AGAP1: variants seen among roughly 807,000 people sequenced by gnomAD.
The protein encoded by AGAP1 is ArfGAP with GTPase domain, ankyrin repeat and PH domain 1.
In AGAP1, 29 loss-of-function variants were observed where a neutral mutation model predicts 105.3. The ratio of observed to expected loss-of-function variants is 0.28; its 90% CI spans 0.21 to 0.38. The LOEUF is 0.38. Among genes scored for constraint, AGAP1 ranks in the 10% least tolerant of loss-of-function variants. AGAP1 has a pLI of 1.00. For synonymous variants in AGAP1, 509 were observed against 485.9 expected (o/e 1.05, Z -0.63); for missense variants, 998 against 1,165.1 (o/e 0.86, Z 2.09).
intron 1 of AGAP1, chr2:235,670,590 C>T (rs1387125955): frequency 9.1e-6 from 5 of 548,912 alleles, no homozygotes; most frequent in South Asian, 2.2e-5. Flanking sequence ...CCTGAGGCGC[C>T]GCAAGGCCGG....
rs745542619 is a variant in AGAP1, at chr2:235,953,669, G to C, written c.1484-14793G>C. ...CATCTGTAAAGAAAATTTTTTCCACGCCTGTAATCTCAGTGCTTTGGGAGG... is the reference window on the plus strand; with the variant it reads ...CATCTGTAAAGAAAATTTTTTCCACCCCTGTAATCTCAGTGCTTTGGGAGG... On this transcript the variant is annotated intron_variant, in intron 12 of 17. Transcript: ENST00000304032. This position sits in a 1 kb window ranked among gnomAD's most constrained non-coding sequence, Gnocchi z 5.2. Among the ~76,000 whole-genome samples the C allele has an allele frequency of 6.6e-6, 1 of 152,110 alleles. No homozygotes were observed. The highest frequency in any genetic ancestry group is 2.4e-5 in the African/African-American group (1 of 41,422).
chr2:235,743,172 AC>A (rs1952689763), intron 4 of AGAP1, among the ~76,000 whole-genome samples: 1 of 152,230 alleles, frequency 6.6e-6, no homozygotes, highest in Non-Finnish European at 1.5e-5. Flanking sequence ...GTCTCAAAAA[AC>A]AAACCCCAAA....
chr2:236,020,041 C>T lies in AGAP1; in HGVS notation c.1646-16520C>T, dbSNP rs1198439055. ...CAGGCATGGGCGCCAGACTCAAGCC[C>T]AGATCTTAACTCAGGTGGTCTTGGT... On this transcript the variant is annotated intron_variant, in intron 13 of 17. Transcript: ENST00000304032. The surrounding 1 kb of genome is among the most constrained non-coding windows in gnomAD (Gnocchi z 5.0). Among the ~76,000 whole-genome samples, 2 of 152,208 alleles carry T rather than the reference C, an allele frequency of 1.3e-5. No individual in the cohort carries two copies. The highest frequency in any genetic ancestry group is 4.8e-5 in the African/African-American group (2 of 41,454).
intron 5 of AGAP1, among the ~76,000 whole-genome samples, chr2:235,749,418 G>C (rs1953242233): frequency 1.3e-5 from 2 of 151,832 alleles, no homozygotes; most frequent in African/African-American, 4.8e-5. Flanking sequence ...TAGGAAACTG[G>C]TGCCGACATC....
In AGAP1 at chr2:235,994,632, C is replaced by A. The variant is rs921912442; in HGVS notation, c.1645+26009C>A. Among the ~76,000 whole-genome samples, 2 of 152,168 alleles carry A rather than the reference C, an allele frequency of 1.3e-5. No homozygotes were observed. Among genetic ancestry groups the A allele is most frequent in the Admixed American group, 1.3e-4 (2 of 15,274 alleles). On this transcript the variant is annotated intron_variant, in intron 13 of 17. Coordinates refer to ENST00000304032, the MANE Select transcript of AGAP1 (RefSeq NM_001037131.3). This position sits in a 1 kb window ranked among gnomAD's most constrained non-coding sequence, Gnocchi z 4.4. ...CAGTCCCGACTTTCCCAACGCCTCG[C>A]AGCCCGATGATACAGAGACGGGGCA...
intron 12 of AGAP1, among the ~76,000 whole-genome samples, chr2:235,952,911 G>C (rs2053799018): frequency 1.3e-5 from 2 of 152,166 alleles, no homozygotes; most frequent in African/African-American, 2.4e-5. Flanking sequence ...TATGGGCTGG[G>C]CGGCTCCAAG....
intron 1 of AGAP1, among the ~76,000 whole-genome samples, chr2:235,564,446 C>T (rs1331552087): frequency 6.6e-6 from 1 of 152,200 alleles, no homozygotes; most frequent in African/African-American, 2.4e-5. Flanking sequence ...TAGCTCCCTG[C>T]AAATTCCATG....
chr2:236,030,295 G>A (rs561073511), intron 13 of AGAP1, among the ~76,000 whole-genome samples: 8 of 152,326 alleles, frequency 5.3e-5, no homozygotes, highest in East Asian at 1.9e-4. Flanking sequence ...GATTACAGGC[G>A]TGAGCCACCA....
intron 10 of AGAP1, among the ~76,000 whole-genome samples, chr2:235,895,838 G>A (rs1222849998): frequency 6.6e-6 from 1 of 152,180 alleles, no homozygotes; most frequent in Non-Finnish European, 1.5e-5. Context: ...AATCCACCAT[G>A]CAACACTTTT....
At position 236,051,927 on chromosome 2, in the gene AGAP1, C is replaced by T. The variant is rs1157110499; in HGVS notation, c.2114+2646C>T. Among the ~76,000 whole-genome samples, 3 of 152,116 alleles carry T rather than the reference C, an allele frequency of 2.0e-5. No homozygotes were observed. The East Asian group carries it at 5.8e-4, about 29-fold the overall frequency. On this transcript the variant is annotated intron_variant, in intron 16 of 17. Transcript: ENST00000304032. This position sits in a 1 kb window ranked among gnomAD's most constrained non-coding sequence, Gnocchi z 5.9. ...CCCACCACCTTCACCACCTCCTGCA[C>T]GTCCCCTCAATAGAAAATGGAAAAG...
chr2:236,085,381 C>G (rs1332296995), intron 16 of AGAP1, among the ~76,000 whole-genome samples: 1 of 152,158 alleles, frequency 6.6e-6, no homozygotes, highest in Non-Finnish European at 1.5e-5. Context: ...TCTCCCCAGC[C>G]GCCTGGAGGA....
At position 236,035,023 on chromosome 2, in the gene AGAP1, C is replaced by T. The variant is rs1431815130; in HGVS notation, c.1646-1538C>T. 6.6e-6 allele frequency among the ~76,000 whole-genome samples: 1 copy of T among 152,154 alleles called. No homozygotes were observed. The highest frequency in any genetic ancestry group is 1.5e-5 in the Non-Finnish European group (1 of 68,026). On this transcript the variant is annotated intron_variant, in intron 13 of 17. Transcript: ENST00000304032. This position sits in a 1 kb window ranked among gnomAD's most constrained non-coding sequence, Gnocchi z 4.2. Reference sequence around the variant, plus strand: ...GGAAAGGGTGAGTGGGGTGGCACGTCCTCACGTCCCAGGCTGCAGGCGCAT... The same window carrying T: ...GGAAAGGGTGAGTGGGGTGGCACGTTCTCACGTCCCAGGCTGCAGGCGCAT...
chr2:235,532,788 C>T (rs753913293), intron 1 of AGAP1, among the ~76,000 whole-genome samples: 6 of 152,176 alleles, frequency 3.9e-5, no homozygotes, highest in Non-Finnish European at 5.9e-5. Context: ...TTGTTTGGTG[C>T]GTGGGTGCAG....
At chr2:235,802,920 G>GTGGTGATGA (rs1957594129) in intron 8 of AGAP1, among the ~76,000 whole-genome samples, 1 of 139,078 alleles carries the variant, frequency 7.2e-6, no homozygotes. Context: ...TGTGATGGTT[G>GTGGTGATGA]TGGTTGTGGT....
intron 1 of AGAP1, among the ~76,000 whole-genome samples, chr2:235,685,307 T>C (rs1057480601): frequency 6.6e-6 from 1 of 151,914 alleles, no homozygotes; most frequent in Admixed American, 6.6e-5. Context: ...CTCTTGGCAG[T>C]GCAGGCCTCC....
rs909216999 is a variant in AGAP1, at chr2:235,801,497, G to C, written c.957+1975G>C. On this transcript the variant is annotated intron_variant, in intron 8 of 17. Coordinates refer to ENST00000304032, the MANE Select transcript of AGAP1 (RefSeq NM_001037131.3). The surrounding 1 kb of genome is among the most constrained non-coding windows in gnomAD (Gnocchi z 6.0). ...AGTGCATGGATAACATGTTTTATTG[G>C]GCAGTTTCTTCACACACACCGAGAA... is the stretch of plus-strand genomic sequence containing the variant. Among the ~76,000 whole-genome samples the C allele has an allele frequency of 6.6e-6, 1 of 151,824 alleles. No homozygotes were observed. Among genetic ancestry groups the C allele is most frequent in the African/African-American group, 2.4e-5 (1 of 41,272 alleles).
chr2:235,955,801 G>A (rs1480171633), intron 12 of AGAP1, among the ~76,000 whole-genome samples: 2 of 152,058 alleles, frequency 1.3e-5, no homozygotes, highest in African/African-American at 4.8e-5. Context: ...TCGAAGCAGC[G>A]GCCTGAGTTT....
At position 236,121,673 on chromosome 2, in the gene AGAP1, C is replaced by G. The variant is rs960901231; in HGVS notation, c.2370+1226C>G. Among the ~76,000 whole-genome samples the G allele has an allele frequency of 6.6e-6, 1 of 152,290 alleles. No individual in the cohort carries two copies. Among genetic ancestry groups the G allele is most frequent in the Admixed American group, 6.5e-5 (1 of 15,296 alleles). ...ACACTACACCAAAATCACACAGATA[C>G]TCCCTTTTGCTCATGAGTCATACAT... On this transcript the variant is annotated intron_variant, in intron 17 of 17. Coordinates refer to ENST00000304032, the MANE Select transcript of AGAP1 (RefSeq NM_001037131.3). This position sits in a 1 kb window ranked among gnomAD's most constrained non-coding sequence, Gnocchi z 4.9.
In AGAP1 at chr2:235,608,250, A is replaced by T. The variant is rs1191497961; in HGVS notation, c.164-100929A>T. ...ATCTTGCAGGGAAAGTGTGTTGGCAAACATGCTGGATACTGTCAGAATCAG... is the reference window on the plus strand; with the variant it reads ...ATCTTGCAGGGAAAGTGTGTTGGCATACATGCTGGATACTGTCAGAATCAG... On this transcript the variant is annotated intron_variant, in intron 1 of 17. Coordinates refer to ENST00000304032, the MANE Select transcript of AGAP1 (RefSeq NM_001037131.3). The surrounding 1 kb of genome is among the most constrained non-coding windows in gnomAD (Gnocchi z 5.4). Among the ~76,000 whole-genome samples, 1 of 152,194 alleles carries T rather than the reference A, an allele frequency of 6.6e-6. No homozygotes were observed. Among genetic ancestry groups the T allele is most frequent in the Non-Finnish European group, 1.5e-5 (1 of 68,038 alleles).
Sources: gnomAD v4.1 joint callset for allele counts (sites outside exome capture counted in the v4.1 genomes callset) on GRCh38, gnomAD v4.1.1 for gene constraint, Gnocchi (gnomAD v3.1) non-coding constraint, MANE v1.5 for transcripts, NCBI Gene and HGNC (gene_info 2026-07-23, HGNC 2026-07-21) for gene names.